Variants in DDX49 observed in about 807,000 individuals in gnomAD.
The protein encoded by DDX49 is DEAD-box helicase 49.
DDX49 carries 50 observed loss-of-function variants against 56.3 expected under a neutral mutation model. The observed-to-expected ratio is 0.89, with a 90% CI of 0.71 to 1.12. The LOEUF (loss-of-function observed/expected upper bound fraction) is 1.12, where lower values mean the gene tolerates loss of function less well. Among genes scored for constraint, DDX49 ranks in the 50% most tolerant of loss-of-function variants. The probability of loss-of-function intolerance (pLI) is 0.00; values close to 1 mark genes in which losing one functional copy is unlikely to be tolerated. For synonymous variants in DDX49, 269 were observed against 270.6 expected, an observed-to-expected ratio of 0.99 and a Z score of 0.06; for missense variants, 614 against 650.5, an observed-to-expected ratio of 0.94 and a Z score of 0.61.
rs2056949623 is a variant in DDX49, at chr19:18,924,988, T to TG, written c.1027+11dup. On this transcript the variant is annotated intron_variant, in intron 9 of 12. Transcript: ENST00000247003. ...CCGGACGGCCCGTGCAGGTGAGCAG[T>TG]GGAGGGGGAGGCCGAGCCTTGGGCC... 1 of 1,608,622 alleles carries TG rather than the reference T, an allele frequency of 6.2e-7. No homozygotes were observed. The highest frequency in any genetic ancestry group is 1.3e-5 in the African/African-American group (1 of 74,908).
chr19:18,922,788 G>C (rs759486000), intron 6 of DDX49, 44 bp downstream of exon 6: 1 of 1,596,152 alleles, frequency 6.3e-7, no homozygotes. Flanking sequence ...CTTCAAAGGA[G>C]GAGGTGGCCC....
At chr19:18,924,366 A>G in intron 7 of DDX49, 58 bp downstream of exon 7, 1 of 1,529,146 alleles carries the variant, frequency 6.5e-7, no homozygotes, top group Admixed American at 1.7e-5. Context: ...CGCCTCAGAC[A>G]TTGGCCCCGA....
chr19:18,928,432 C>A lies in DDX49; in HGVS notation c.*116C>A. 2.9e-6 allele frequency: 3 copies of A among 1,047,612 alleles called. No homozygotes were observed. Among genetic ancestry groups the A allele is most frequent in the Non-Finnish European group, 4.0e-6 (3 of 746,966 alleles). The allele number at this position is 1,047,612 out of a possible 1,614,324, so 64.9% of individuals were successfully genotyped here. On this transcript the variant is annotated 3_prime_UTR_variant, in exon 13 of 13. Transcript: ENST00000247003. ...GCCTACCCAGTGCCCCACAGCAGAA[C>A]CCGTGGGCGCTCGTGTTGTGCGGGC...
chr19:18,928,610 A>G lies in DDX49; in HGVS notation c.*294A>G. 2 of 347,392 alleles carry G rather than the reference A, an allele frequency of 5.8e-6. No individual in the cohort carries two copies. Among genetic ancestry groups the G allele is most frequent in the Non-Finnish European group, 1.0e-5 (2 of 190,750 alleles). The allele number at this position is 347,392 out of a possible 1,614,324, so 21.5% of individuals were successfully genotyped here. On this transcript the variant is annotated 3_prime_UTR_variant, in exon 13 of 13. Coordinates refer to ENST00000247003, the MANE Select transcript of DDX49 (RefSeq NM_019070.5). ...GCCGCATACAGGAGGTGCTTAATAA[A>G]CGGGTCTTTTGACTTCCTCAGTCTG... is the stretch of plus-strand genomic sequence containing the variant.
rs1438692165 is a variant in DDX49, at chr19:18,927,991, AAAG to A, written c.1222_1224del (p.Lys408del). ...AACTGGAGGCGGCCCACTTTGACGAAAAGAAGGAGATCAACAAACGGAAGCAGC... is the reference window on the plus strand; with the variant it reads ...AACTGGAGGCGGCCCACTTTGACGAAAAGGAGATCAACAAACGGAAGCAGC... On this transcript the variant is annotated inframe_deletion, in exon 12 of 13. Coordinates refer to ENST00000247003, the MANE Select transcript of DDX49 (RefSeq NM_019070.5). The A allele has an allele frequency of 3.7e-6, 6 of 1,613,644 alleles. No homozygotes were observed. In the Middle Eastern group the frequency reaches 4.9e-4, roughly 133 times the overall value.
chr19:18,924,812 A>G (rs1470575643), intron 8 of DDX49, 70 bp from the exon 9 acceptor site: 1 of 1,612,260 alleles, frequency 6.2e-7, no homozygotes, highest in South Asian at 1.1e-5. Flanking sequence ...CTGCTGAGTG[A>G]CCCTGGGTGA....
At chr19:18,927,695 T>G in intron 10 of DDX49, 71 bp from the exon 11 acceptor site, 1 of 1,351,548 alleles carries the variant, frequency 7.4e-7, no homozygotes, top group Non-Finnish European at 1.1e-6. Flanking sequence ...GGGAACTCAC[T>G]ACTTGGCTGA....
chr19:18,926,269 C>T, intron 9 of DDX49, 34 bp from the exon 10 acceptor site: 1 of 1,558,894 alleles, frequency 6.4e-7, no homozygotes, highest in Non-Finnish European at 8.7e-7. Flanking sequence ...TCCTGACGCC[C>T]AGCACATAGC....
intron 10 of DDX49, among the ~76,000 whole-genome samples, chr19:18,926,766 C>G (rs941094241): frequency 1.3e-5 from 2 of 152,122 alleles, no homozygotes; most frequent in African/African-American, 2.4e-5. Context: ...ATAGACTGTC[C>G]TGAAATTTAG....
intron 9 of DDX49, chr19:18,925,199 G>GAAGATCACTTGAA (rs57818072): frequency 1.6e-4 from 94 of 590,734 alleles, no homozygotes; most frequent in Non-Finnish European, 2.5e-4. Context: ...GTTGCGGCAA[G>GAAGATCACTTGAA]CTGAGAATGC....
intron 7 of DDX49, 102 bp downstream of exon 7, chr19:18,924,410 C>T: frequency 8.1e-7 from 1 of 1,240,410 alleles, no homozygotes; most frequent in Admixed American, 1.9e-5. Context: ...CTTCCTGCCA[C>T]CTGGTCTCTT....
At chr19:18,920,812 A>C in intron 2 of DDX49, 109 bp downstream of exon 2, 1 of 1,203,048 alleles carries the variant, frequency 8.3e-7, no homozygotes, top group Non-Finnish European at 1.1e-6. Context: ...TGAGCATGAA[A>C]ATCTTGCTAC....
chr19:18,924,390 C>T (rs938333030), intron 7 of DDX49, 82 bp downstream of exon 7: 45 of 1,427,668 alleles, frequency 3.2e-5, no homozygotes, highest in African/African-American at 2.6e-4. Flanking sequence ...TTCCTTCTGC[C>T]GGGCGCCTTC....
In DDX49 at chr19:18,924,959, T is replaced by G; in HGVS notation, c.1007T>G (p.Val336Gly). 6.2e-7 allele frequency: 1 copy of G among 1,611,666 alleles called. No homozygotes were observed. Among genetic ancestry groups the G allele is most frequent in the Non-Finnish European group, 8.5e-7 (1 of 1,179,908 alleles). Residue 336 changes from valine (V) to glycine (G), a missense_variant, in exon 9 of 13, where the codon GTC (valine) becomes GGC (glycine). Coordinates refer to ENST00000247003, the MANE Select transcript of DDX49 (RefSeq NM_019070.5). ...CTCCCCAAGATCTACATCCACCGAG[T>G]CGGCCGGACGGCCCGTGCAGGTGAG... ...PGLPKIYIHR[V>G]GRTARAGRQG...
Position 18,928,051 on chromosome 19 carries a change from C to G in DDX49, c.1263+15C>G. The stretch of plus-strand genomic sequence containing the variant: ...TGGAGGGGAAGGTGAGGGCCGAGCC[C>G]GCAGGTAGGGGGTGGGTGGCCAGGT... On this transcript the variant is annotated intron_variant, in intron 12 of 12. Transcript: ENST00000247003. 6.2e-7 allele frequency: 1 copy of G among 1,613,446 alleles called. No homozygotes were observed. Among genetic ancestry groups the G allele is most frequent in the East Asian group, 2.2e-5 (1 of 44,796 alleles).
intron 2 of DDX49, among the ~76,000 whole-genome samples, chr19:18,921,221 G>T (rs2056914313): frequency 6.6e-6 from 1 of 152,116 alleles, no homozygotes; most frequent in African/African-American, 2.4e-5. Context: ...GCCAGTTTGA[G>T]AAAGGCCTTG....
chr19:18,927,092 A>G (rs528428858), intron 10 of DDX49, among the ~76,000 whole-genome samples: 5 of 141,628 alleles, frequency 3.5e-5, no homozygotes, highest in East Asian at 4.0e-4. Flanking sequence ...AAAAAAAAAA[A>G]AGAGAAACAT....
At chr19:18,923,319 C>G (rs1352110136) in intron 6 of DDX49, among the ~76,000 whole-genome samples, 1 of 152,112 alleles carries the variant, frequency 6.6e-6, no homozygotes, top group Non-Finnish European at 1.5e-5. Context: ...GTCAGGAGTT[C>G]GAGACCAGCC....
At chr19:18,925,312 T>G in intron 9 of DDX49, 1 of 207,394 alleles carries the variant, frequency 4.8e-6, no homozygotes. Context: ...TCTTAGCACT[T>G]TGGGAGGCCG....
Sources: gnomAD v4.1 joint callset for allele counts (sites outside exome capture counted in the v4.1 genomes callset) on GRCh38, gnomAD v4.1.1 for gene constraint, MANE v1.5 for transcripts, NCBI Gene and HGNC (gene_info 2026-07-23, HGNC 2026-07-21) for gene names.